Variants in HPSE2 observed in about 807,000 individuals in gnomAD.
HPSE2 encodes the protein heparanase 2 (inactive).
Under a neutral mutation model 60.5 loss-of-function variants are expected in HPSE2, and 38 were observed. The ratio of observed to expected loss-of-function variants is 0.63; its 90% CI spans 0.48 to 0.82. The LOEUF is 0.82. Among genes scored for constraint, HPSE2 ranks in the 40% least tolerant of loss-of-function variants. The pLI is 0.00. For missense variants in HPSE2, 713 were observed against 740.4 expected (o/e 0.96, Z 0.43); for synonymous variants, 295 against 293.2 (o/e 1.01, Z -0.06).
chr10:98,938,949 G>T (rs1564673094), intron 3 of HPSE2, among the ~76,000 whole-genome samples: 2 of 144,046 alleles, frequency 1.4e-5, no homozygotes, highest in Admixed American at 6.9e-5. Context: ...TTAAAGAAAA[G>T]AATTTTCAAC....
At chr10:98,812,268 C>T (rs569990771) in intron 3 of HPSE2, among the ~76,000 whole-genome samples, 35 of 152,108 alleles carry the variant, frequency 2.3e-4, no homozygotes, top group East Asian at 1.7e-3. Context: ...CAGGAGTTAC[C>T]CATAAGAGAT....
At chr10:98,799,286 A>C (rs1950851483) in intron 3 of HPSE2, among the ~76,000 whole-genome samples, 1 of 152,228 alleles carries the variant, frequency 6.6e-6, no homozygotes, top group African/African-American at 2.4e-5. Flanking sequence ...CCAGATATGT[A>C]AAGCAAATAT....
chr10:99,056,257 A>G (rs946321531), intron 3 of HPSE2, among the ~76,000 whole-genome samples: 3 of 152,094 alleles, frequency 2.0e-5, no homozygotes, highest in African/African-American at 7.2e-5. Flanking sequence ...AAATTAACTC[A>G]TGAAAAAACA....
At chr10:98,955,414 T>C (rs989479796) in intron 3 of HPSE2, among the ~76,000 whole-genome samples, 1 of 152,182 alleles carries the variant, frequency 6.6e-6, no homozygotes. Flanking sequence ...TGAGATACCA[T>C]TGCATGCCAG....
At chr10:98,956,419 C>G (rs1955511384) in intron 3 of HPSE2, among the ~76,000 whole-genome samples, 3 of 152,122 alleles carry the variant, frequency 2.0e-5, no homozygotes, top group Admixed American at 1.3e-4. Context: ...CCTAAAATAA[C>G]AGTGGATTAA....
chr10:98,652,117 C>G (rs1462680749), intron 6 of HPSE2, among the ~76,000 whole-genome samples: 16 of 152,168 alleles, frequency 1.1e-4, no homozygotes, highest in Admixed American at 9.8e-4. Context: ...TAAAAAGCAA[C>G]TGCTCCTTGA....
At chr10:98,802,292 C>A (rs1409873095) in intron 3 of HPSE2, among the ~76,000 whole-genome samples, 1 of 68,560 alleles carries the variant, frequency 1.5e-5, no homozygotes, top group Non-Finnish European at 2.9e-5. Flanking sequence ...TTTAAATTTT[C>A]TCTTTTTATT....
chr10:98,588,599 T>A (rs1945001371), intron 9 of HPSE2, among the ~76,000 whole-genome samples: 1 of 151,978 alleles, frequency 6.6e-6, no homozygotes, highest in South Asian at 2.1e-4. Flanking sequence ...ATAATCTTGG[T>A]GACAGTACAA....
intron 6 of HPSE2, among the ~76,000 whole-genome samples, chr10:98,674,856 A>G (rs1947596213): frequency 6.6e-6 from 1 of 152,138 alleles, no homozygotes; most frequent in Non-Finnish European, 1.5e-5. Flanking sequence ...TGGGAAGTGG[A>G]GGCTGCAGTG....
chr10:98,677,380 A>C (rs1193216792), intron 6 of HPSE2, among the ~76,000 whole-genome samples: 1 of 152,220 alleles, frequency 6.6e-6, no homozygotes, highest in Non-Finnish European at 1.5e-5. Flanking sequence ...AGAATGTATA[A>C]AAATGCTCAG....
At chr10:98,672,416 T>C (rs961231461) in intron 6 of HPSE2, among the ~76,000 whole-genome samples, 3 of 152,236 alleles carry the variant, frequency 2.0e-5, no homozygotes, top group African/African-American at 7.2e-5. Context: ...TAGCTTCTAA[T>C]GACATTTGTT....
intron 3 of HPSE2, among the ~76,000 whole-genome samples, chr10:99,045,685 C>A (rs1589568817): frequency 6.6e-6 from 1 of 152,004 alleles, no homozygotes; most frequent in Non-Finnish European, 1.5e-5. Context: ...TACAAAATAT[C>A]CTCAGAGAAT....
chr10:98,973,795 C>T (rs541884658), intron 3 of HPSE2, among the ~76,000 whole-genome samples: 9 of 151,966 alleles, frequency 5.9e-5, no homozygotes, highest in Non-Finnish European at 8.8e-5. Flanking sequence ...GAGATGTTTT[C>T]CAACTTTCCT....
chr10:98,849,814 G>A (rs1320554855), intron 3 of HPSE2, among the ~76,000 whole-genome samples: 1 of 151,860 alleles, frequency 6.6e-6, no homozygotes, highest in African/African-American at 2.4e-5. Flanking sequence ...GTGCAATCTC[G>A]GCTCACTGCA....
intron 9 of HPSE2, among the ~76,000 whole-genome samples, chr10:98,509,500 T>C (rs935093728): frequency 6.6e-6 from 1 of 152,050 alleles, no homozygotes; most frequent in Non-Finnish European, 1.5e-5. Flanking sequence ...TTCATAGCTT[T>C]TTTTTTGCTT....
At chr10:98,955,353 T>A (rs1589423604) in intron 3 of HPSE2, among the ~76,000 whole-genome samples, 1 of 152,196 alleles carries the variant, frequency 6.6e-6, no homozygotes, top group African/African-American at 2.4e-5. Context: ...CATATTTTTT[T>A]AAAAAGCTCA....
At chr10:98,877,096 C>T (rs1313822367) in intron 3 of HPSE2, among the ~76,000 whole-genome samples, 2 of 151,756 alleles carry the variant, frequency 1.3e-5, no homozygotes, top group Non-Finnish European at 2.9e-5. Flanking sequence ...TAAGAACCTG[C>T]TGTACAAATT....
chr10:99,268,224 A>G, the HPSE2 span, among the ~76,000 whole-genome samples: 1 of 152,226 alleles, frequency 6.6e-6, no homozygotes, highest in Non-Finnish European at 1.5e-5. Flanking sequence ...TGAAAGATAC[A>G]GCCTGTTTCA....
chr10:99,040,948 G>A (rs1957724501), intron 3 of HPSE2, among the ~76,000 whole-genome samples: 1 of 152,048 alleles, frequency 6.6e-6, no homozygotes, highest in African/African-American at 2.4e-5. Flanking sequence ...TTAGCCAGGT[G>A]TGGTGGCGGG....
Sources: allele counts gnomAD v4.1 joint callset (sites outside exome capture counted in the v4.1 genomes callset), GRCh38; gene constraint gnomAD v4.1.1; transcripts MANE v1.5; gene names NCBI Gene and HGNC (gene_info 2026-07-23, HGNC 2026-07-21).